Variants in PIGL observed in about 807,000 individuals in gnomAD.
PIGL encodes N-acetylglucosaminyl-phosphatidylinositol de-N-acetylase.
In PIGL, 22 loss-of-function variants were observed where a neutral mutation model predicts 31.1. The ratio of observed to expected loss-of-function variants is 0.71; its 90% confidence interval spans 0.51 to 1.01. PIGL has a LOEUF of 1.01. PIGL is among the 50% of genes least tolerant of loss of function. The probability of loss-of-function intolerance (pLI) is 0.00; values close to 1 mark genes in which losing one functional copy is unlikely to be tolerated. For missense variants in PIGL, 302 were observed against 315.9 expected (o/e 0.96, Z 0.33); for synonymous variants, 131 against 117.4 (o/e 1.12, Z -0.75).
At chr17:16,217,727 T>G in intron 1 of PIGL, 1 of 462,912 alleles carries the variant, frequency 2.2e-6, no homozygotes, top group South Asian at 3.1e-5. Flanking sequence ...TACCTGCATT[T>G]CCGTTGGGAA....
chr17:16,311,612 C>T (rs867198854), intron 3 of PIGL, among the ~76,000 whole-genome samples: 1,674 of 148,502 alleles, frequency 0.011, 42 homozygotes, highest in African/African-American at 0.039. Context: ...TGCGGCCTTC[C>T]GCAGTGTTTG....
At chr17:16,245,035 C>T (rs1167810582) in intron 2 of PIGL, among the ~76,000 whole-genome samples, 1 of 151,658 alleles carries the variant, frequency 6.6e-6, no homozygotes, top group Non-Finnish European at 1.5e-5. Context: ...TCTTGTTGCC[C>T]AGGCTGGAGT....
chr17:16,236,212 G>T (rs1416922845), intron 2 of PIGL, among the ~76,000 whole-genome samples: 2 of 152,156 alleles, frequency 1.3e-5, no homozygotes, highest in African/African-American at 2.4e-5. Context: ...TACACCTACA[G>T]TCGTGATCTA....
At chr17:16,317,351 T>C (rs886464810) in intron 5 of PIGL, 1 of 954,240 alleles carries the variant, frequency 1.0e-6, no homozygotes, top group African/African-American at 1.7e-5. Context: ...TCTCACACTA[T>C]CAACACCAAT....
intron 3 of PIGL, among the ~76,000 whole-genome samples, chr17:16,310,522 T>A (rs1286022915): frequency 1.3e-5 from 2 of 152,096 alleles, no homozygotes; most frequent in Admixed American, 1.3e-4. Flanking sequence ...GCTGTCAGAA[T>A]AAGAGTGCAG....
chr17:16,243,414 G>T (rs1163816732), intron 2 of PIGL, among the ~76,000 whole-genome samples: 2 of 152,150 alleles, frequency 1.3e-5, no homozygotes, highest in South Asian at 4.1e-4. Context: ...TTGATTTGGG[G>T]TGGGGATCCC....
intron 2 of PIGL, among the ~76,000 whole-genome samples, chr17:16,254,262 T>C (rs1296060404): frequency 6.6e-6 from 1 of 152,180 alleles, no homozygotes; most frequent in Non-Finnish European, 1.5e-5. Context: ...ACCAATTTTT[T>C]TTTCTTTTTT....
chr17:16,254,249 T>C (rs2092784090), intron 2 of PIGL, among the ~76,000 whole-genome samples: 1 of 152,162 alleles, frequency 6.6e-6, no homozygotes, highest in Non-Finnish European at 1.5e-5. Context: ...TTCTAGCATA[T>C]ACACCAATTT....
At chr17:16,227,578 CTTTTTT>C (rs57452229) in intron 1 of PIGL, among the ~76,000 whole-genome samples, 3 of 103,196 alleles carry the variant, frequency 2.9e-5, no homozygotes, top group African/African-American at 7.8e-5. Flanking sequence ...ATTTTCTTTT[CTTTTTT>C]TTTTTTTTTT....
In PIGL at chr17:16,234,198, C is replaced by T. The variant is rs573322819; in HGVS notation, c.335+128C>T. 4.0e-5 allele frequency: 24 copies of T among 604,602 alleles called. No homozygotes were observed. In the Admixed American group the frequency reaches 4.8e-4, roughly 12 times the overall value. The allele number at this position is 604,602 out of a possible 1,614,324, so 37.5% of individuals were successfully genotyped here. A position where few individuals can be genotyped will look rare whatever the true frequency, so the allele number is the denominator to read the frequency against. ...GTATGAAAAGTCTAGGGCTCGGTGC[C>T]ATGGTTCACGCTTGTAATCCCAGTA... On this transcript the variant is annotated intron_variant, in intron 2 of 6. Transcript: ENST00000225609.
At chr17:16,316,305 G>C (rs1311122403) in intron 4 of PIGL, among the ~76,000 whole-genome samples, 7 of 152,144 alleles carry the variant, frequency 4.6e-5, no homozygotes, top group African/African-American at 7.2e-5. Context: ...GAAATATCAG[G>C]GAAGAGCTAT....
intron 2 of PIGL, among the ~76,000 whole-genome samples, chr17:16,243,456 G>A (rs2092731471): frequency 6.6e-6 from 1 of 152,176 alleles, no homozygotes; most frequent in Non-Finnish European, 1.5e-5. Flanking sequence ...AGAGATGAAG[G>A]AAAAAGTTTA....
chr17:16,287,009 C>T (rs893549254), intron 2 of PIGL, among the ~76,000 whole-genome samples: 2 of 152,246 alleles, frequency 1.3e-5, no homozygotes, highest in Non-Finnish European at 2.9e-5. Context: ...AAACTCAGCC[C>T]TCTGTTTGGC....
intron 1 of PIGL, among the ~76,000 whole-genome samples, chr17:16,220,934 G>C (rs2092625948): frequency 6.6e-6 from 1 of 152,130 alleles, no homozygotes; most frequent in Admixed American, 6.6e-5. Flanking sequence ...AGCATGGCCT[G>C]TTTGTTTATT....
At chr17:16,255,162 C>T (rs75143356) in intron 2 of PIGL, among the ~76,000 whole-genome samples, 1,823 of 152,226 alleles carry the variant, frequency 0.012, 50 homozygotes, top group African/African-American at 0.041. Context: ...AAATTGTTTT[C>T]GTTTTATTTA....
Position 16,235,217 on chromosome 17 carries a change from A to G in PIGL, c.335+1147A>G, listed in dbSNP as rs193160216. Reference sequence around the variant, plus strand: ...TTTGGTGTCCACCAACACCCAGTCCATATCAGAATTTCTTCAGGTAGCTCA... The same window carrying G: ...TTTGGTGTCCACCAACACCCAGTCCGTATCAGAATTTCTTCAGGTAGCTCA... On this transcript the variant is annotated intron_variant, in intron 2 of 6. Transcript: ENST00000225609. Among the ~76,000 whole-genome samples the G allele has an allele frequency of 2.6e-5, 4 of 152,288 alleles. No individual in the cohort carries two copies. In the East Asian group the frequency reaches 7.7e-4, roughly 29 times the overall value.
chr17:16,304,212 G>A (rs3112511), intron 3 of PIGL, among the ~76,000 whole-genome samples: 63,176 of 151,978 alleles, frequency 0.42, 13,956 homozygotes, highest in East Asian at 0.76. Flanking sequence ...AGTTTCAACT[G>A]CACACAAGAG....
intron 1 of PIGL, among the ~76,000 whole-genome samples, chr17:16,220,888 C>G (rs917484598): frequency 2.0e-5 from 3 of 152,142 alleles, no homozygotes; most frequent in African/African-American, 7.2e-5. Flanking sequence ...CTGGCCCGGC[C>G]TCCCAAAGTG....
At chr17:16,237,101 C>CTTTT (rs71150281) in intron 2 of PIGL, among the ~76,000 whole-genome samples, 19 of 58,142 alleles carry the variant, frequency 3.3e-4, no homozygotes, top group East Asian at 4.0e-4. Context: ...CCACACCTGG[C>CTTTT]TTTTTTTTTT....
Sources: allele counts gnomAD v4.1 joint callset (sites outside exome capture counted in the v4.1 genomes callset), GRCh38; gene constraint gnomAD v4.1.1; transcripts MANE v1.5; gene names NCBI Gene and HGNC (gene_info 2026-07-23, HGNC 2026-07-21).